CYP4F12: variants seen among roughly 807,000 people sequenced by gnomAD.
The protein encoded by CYP4F12 is cytochrome P450 family 4 subfamily F member 12, also known as cytochrome P450 4F12.
In CYP4F12, 60 loss-of-function variants were observed where a neutral mutation model predicts 56.5. That is an observed-to-expected ratio of 1.06 (90% CI 0.86 to 1.32). The LOEUF is 1.32. Among genes scored for constraint, CYP4F12 ranks in the 40% most tolerant of loss-of-function variants. The probability of loss-of-function intolerance (pLI) is 0.00; values close to 1 mark genes in which losing one functional copy is unlikely to be tolerated. For missense variants in CYP4F12, 711 were observed against 683.5 expected (o/e 1.04, Z -0.45); for synonymous variants, 263 against 264.9 (o/e 0.99, Z 0.07).
At chr19:15,688,800 A>G (rs1327616650) in intron 9 of CYP4F12, among the ~76,000 whole-genome samples, 1 of 152,238 alleles carries the variant, frequency 6.6e-6, no homozygotes, top group Non-Finnish European at 1.5e-5. Context: ...CCAGAAATAA[A>G]GCCAAATACT....
At chr19:15,694,333 C>A (rs1015412405) in intron 9 of CYP4F12, among the ~76,000 whole-genome samples, 32 of 152,122 alleles carry the variant, frequency 2.1e-4, no homozygotes, top group African/African-American at 7.7e-4. Context: ...ATGGAATGTT[C>A]TTCCCTTTCT....
intron 5 of CYP4F12, chr19:15,681,667 A>G (rs565317404): frequency 6.6e-6 from 1 of 152,296 alleles, no homozygotes; most frequent in Non-Finnish European, 1.5e-5. Context: ...AGGAGGAGTC[A>G]TTGCCTTATC....
At chr19:15,683,820 C>A in intron 7 of CYP4F12, 57 bp downstream of exon 7, 1 of 1,486,626 alleles carries the variant, frequency 6.7e-7, no homozygotes, top group South Asian at 1.5e-5. Context: ...TGTCAAATGT[C>A]AGGTGAAATA....
chr19:15,696,563 TAAAAA>T, intron 12 of CYP4F12, 51 bp downstream of exon 12: 1 of 1,565,518 alleles, frequency 6.4e-7, no homozygotes, highest in African/African-American at 1.4e-5. Flanking sequence ...GTGCGGGAGT[TAAAAA>T]AAGGGGGACG....
At chr19:15,696,399 C>T in intron 11 of CYP4F12, 31 bp from the exon 12 acceptor site, 2 of 1,613,982 alleles carry the variant, frequency 1.2e-6, no homozygotes, top group Non-Finnish European at 1.7e-6. Flanking sequence ...TAGGAAATCC[C>T]ACTGGCAAAC....
At position 15,697,069 on chromosome 19, in the gene CYP4F12, A is replaced by G. The variant is rs2008187274; in HGVS notation, c.1559A>G (p.Asn520Ser). The G allele has an allele frequency of 2.5e-6, 4 of 1,613,574 alleles. No homozygotes were observed. The highest frequency in any genetic ancestry group is 3.4e-6 in the Non-Finnish European group (4 of 1,179,678). ...GGLWLRVEPL[N>S]VSLQ ...CTTTGGCTGCGGGTGGAGCCCCTGA[A>G]TGTAAGCTTGCAGTGACTTTCTGAC... The change falls in exon 13 of 13, where the codon AAT becomes AGT. Residue 520 changes from asparagine (N) to serine (S), a missense_variant. Physicochemically the swap from Asn to Ser is conservative, Grantham distance 46 (BLOSUM62 1). Transcript: ENST00000550308.
intron 9 of CYP4F12, among the ~76,000 whole-genome samples, chr19:15,691,266 G>C (rs933991561): frequency 6.6e-6 from 1 of 152,092 alleles, no homozygotes; most frequent in African/African-American, 2.4e-5. Context: ...TATTTGGCTT[G>C]TTTCATCCTT....
chr19:15,675,886 A>G (rs1048410109), intron 2 of CYP4F12, among the ~76,000 whole-genome samples: 2 of 152,320 alleles, frequency 1.3e-5, no homozygotes, highest in Admixed American at 6.5e-5. Context: ...TCTCTAATGC[A>G]TGTATGTATG....
At position 15,696,476 on chromosome 19, in the gene CYP4F12, C is replaced by A. The variant is rs778560842; in HGVS notation, c.1361C>A (p.Ser454Ter). ...RFDPENSKGRSPLAFIPFSAG... is the reference protein window; with the variant it reads ...RFDPENSKGR ...GACCCAGAGAACAGCAAGGGGAGGTCACCTCTGGCTTTTATTCCTTTCTCC... is the reference window on the plus strand; with the variant it reads ...GACCCAGAGAACAGCAAGGGGAGGTAACCTCTGGCTTTTATTCCTTTCTCC... Residue 454 changes from serine to a stop codon, truncating the protein, a stop_gained, in exon 12 of 13, where the codon TCA (serine) becomes TAA (stop). Transcript: ENST00000550308. LOFTEE classifies it low-confidence loss of function (END_TRUNC). 1.2e-6 allele frequency: 2 copies of A among 1,614,130 alleles called. No homozygotes were observed. Among genetic ancestry groups the A allele is most frequent in the South Asian group, 1.1e-5 (1 of 91,082 alleles).
intron 9 of CYP4F12, among the ~76,000 whole-genome samples, chr19:15,687,175 G>A (rs952859841): frequency 6.6e-6 from 1 of 152,008 alleles, no homozygotes; most frequent in African/African-American, 2.4e-5. Flanking sequence ...TACTCTGGAG[G>A]CTGAGGCAGG....
At position 15,687,685 on chromosome 19, in the gene CYP4F12, C is replaced by T. The variant is rs144044765; in HGVS notation, c.1115+2488C>T. On this transcript the variant is annotated intron_variant, in intron 9 of 12. Transcript: ENST00000550308. The stretch of plus-strand genomic sequence containing the variant: ...GGGGAGAGACTGCTTCCTAGGTACA[C>T]ATCTTCACTGGGGAATCTGAAAATC... Among the ~76,000 whole-genome samples the T allele has an allele frequency of 8.8e-3, 1,333 of 152,296 alleles. 14 individuals are homozygous for T. The highest frequency in any genetic ancestry group is 0.03 in the African/African-American group (1,264 of 41,534).
rs556852908 is a variant in CYP4F12, at chr19:15,687,054, G to A, written c.1115+1857G>A. ...GCACTTTGGAAGGCCGAGGCGGGCG[G>A]ATCACGAGGTCAGGAGATCGAGACC... is the stretch of plus-strand genomic sequence containing the variant. On this transcript the variant is annotated intron_variant, in intron 9 of 12. Coordinates refer to ENST00000550308, the MANE Select transcript of CYP4F12 (RefSeq NM_023944.4). Among the ~76,000 whole-genome samples, 395 of 152,272 alleles carry A rather than the reference G, an allele frequency of 2.6e-3. 1 individual carries two copies. The highest frequency in any genetic ancestry group is 9.0e-3 in the African/African-American group (376 of 41,554).
chr19:15,689,803 AACTTGG>A lies in CYP4F12; in HGVS notation c.1115+4608_1115+4613del, dbSNP rs201444979. On this transcript the variant is annotated intron_variant, in intron 9 of 12. Coordinates refer to ENST00000550308, the MANE Select transcript of CYP4F12 (RefSeq NM_023944.4). Reference sequence around the variant, plus strand: ...GGAATGAAATAATGTCTTTTGCCGCAACTTGGATGGAGCTGGAGGCCATTATTCTAA... The same window carrying A: ...GGAATGAAATAATGTCTTTTGCCGCAATGGAGCTGGAGGCCATTATTCTAA... Among the ~76,000 whole-genome samples, 434 of 152,318 alleles carry A rather than the reference AACTTGG, an allele frequency of 2.8e-3. 4 individuals carry two copies. The highest frequency in any genetic ancestry group is 0.022 in the Admixed American group (339 of 15,304).
Position 15,685,072 on chromosome 19 carries a change from T to G in CYP4F12, c.990T>G (p.His330Gln). The G allele has an allele frequency of 6.2e-7, 1 of 1,613,778 alleles. No individual in the cohort carries two copies. Among genetic ancestry groups the G allele is most frequent in the Non-Finnish European group, 8.5e-7 (1 of 1,179,848 alleles). The stretch of plus-strand genomic sequence containing the variant: ...GCTTACCTGGCTGCTCCTCAGGCCA[T>G]GACACCACGGCCAGTGGCCTCTCCT... ...AEADTFMFGG[H>Q]DTTASGLSWV... The change falls in exon 9 of 13, where the codon CAT becomes CAG. Residue 330 changes from histidine to glutamine, a missense_variant. His to Gln is a conservative substitution (Grantham distance 24). Transcript: ENST00000550308.
chr19:15,695,155 T>G (rs1308430810), intron 9 of CYP4F12, among the ~76,000 whole-genome samples: 1 of 151,988 alleles, frequency 6.6e-6, no homozygotes, highest in African/African-American at 2.4e-5. Context: ...ATATACACCA[T>G]GGAATACTAT....
intron 9 of CYP4F12, among the ~76,000 whole-genome samples, chr19:15,692,945 G>T (rs1213682718): frequency 6.6e-6 from 1 of 152,062 alleles, no homozygotes; most frequent in Non-Finnish European, 1.5e-5. Context: ...GGCTGTTGTG[G>T]TGAATGCCTG....
At chr19:15,689,055 A>G (rs1274033898) in intron 9 of CYP4F12, among the ~76,000 whole-genome samples, 3 of 152,078 alleles carry the variant, frequency 2.0e-5, no homozygotes, top group Admixed American at 6.6e-5. Context: ...GACCAAGACC[A>G]CAAAAGCAAA....
chr19:15,685,461 T>C lies in CYP4F12; in HGVS notation c.1115+264T>C, dbSNP rs551922037. On this transcript the variant is annotated intron_variant, in intron 9 of 12. Coordinates refer to ENST00000550308, the MANE Select transcript of CYP4F12 (RefSeq NM_023944.4). ...TGCTACTTTGCACATGTTCAGCAAA[T>C]GAACTTCCCCTCCACTCTGTTTCTG... is the stretch of plus-strand genomic sequence containing the variant. 5.3e-5 allele frequency among the ~76,000 whole-genome samples: 8 copies of C among 152,292 alleles called. No homozygotes were observed. In the East Asian group the frequency reaches 1.3e-3, roughly 26 times the overall value.
intron 2 of CYP4F12, among the ~76,000 whole-genome samples, chr19:15,677,811 TG>T: frequency 2.3e-5 from 1 of 43,266 alleles, no homozygotes; most frequent in Non-Finnish European, 5.0e-5. Flanking sequence ...CTCATTCTTC[TG>T]CTCGCTCACT....
Sources: allele counts gnomAD v4.1 joint callset (sites outside exome capture counted in the v4.1 genomes callset), GRCh38; gene constraint gnomAD v4.1.1; transcripts MANE v1.5; gene names NCBI Gene and HGNC (gene_info 2026-07-23, HGNC 2026-07-21).